Variants in MCRIP1 observed in about 807,000 individuals in gnomAD.
The protein encoded by MCRIP1 is MAPK regulated corepressor interacting protein 1, also known as mapk-regulated corepressor-interacting protein 1.
MCRIP1 carries 10 observed loss-of-function variants against 14.4 expected under a neutral mutation model. The ratio of observed to expected loss-of-function variants is 0.70; its 90% confidence interval spans 0.43 to 1.18. The LOEUF (loss-of-function observed/expected upper bound fraction) is 1.18, where lower values mean the gene tolerates loss of function less well. Ranked by LOEUF, MCRIP1 falls within the 50% of genes most tolerant of loss-of-function variation. The pLI, the probability that MCRIP1 is intolerant of heterozygous loss-of-function variation, is 0.00. For synonymous variants in MCRIP1, 53 were observed against 55.7 expected (o/e 0.95, Z 0.21); for missense variants, 119 against 135.4 (o/e 0.88, Z 0.60).
chr17:81,824,771 A>G, intron 1 of MCRIP1: 1 of 1,419,416 alleles, frequency 7.0e-7, no homozygotes, highest in Non-Finnish European at 9.2e-7. Context: ...TGGCCAGACG[A>G]GCCAGACACA....
At chr17:81,826,404 G>C in intron 1 of MCRIP1, 1 of 1,534,226 alleles carries the variant, frequency 6.5e-7, no homozygotes, top group East Asian at 2.4e-5. Context: ...TGCACTTGTA[G>C]TCCCAGCTAC....
chr17:81,829,180 CCT>C (rs2038469580), intron 1 of MCRIP1, among the ~76,000 whole-genome samples: 3 of 152,036 alleles, frequency 2.0e-5, no homozygotes, highest in Non-Finnish European at 1.5e-5. Flanking sequence ...GGTGGCAGCC[CCT>C]GAGCCAGCAG....
Position 81,823,742 on chromosome 17 carries a change from G to T in MCRIP1, c.128-229C>A, listed in dbSNP as rs2038323489. On this transcript the variant is annotated intron_variant, in intron 3 of 4. Coordinates refer to ENST00000455127, the MANE Select transcript of MCRIP1 (RefSeq NM_207368.5). The surrounding 1 kb of genome is among the most constrained non-coding windows in gnomAD (Gnocchi z 6.0). Reference sequence around the variant, plus strand: ...TTCCCCGCAAGATGACCAGGACTGTGGTCAGAGGGACCCCTATGACCCTAC... The same window carrying T: ...TTCCCCGCAAGATGACCAGGACTGTTGTCAGAGGGACCCCTATGACCCTAC... The T allele has an allele frequency of 6.7e-6, 4 of 599,614 alleles. No homozygotes were observed. In the South Asian group the frequency reaches 7.9e-5, roughly 12 times the overall value. 37.1% of individuals were successfully genotyped at this position (599,614 alleles called of 1,614,324 possible).
Position 81,826,306 on chromosome 17 carries a change from C to T in MCRIP1, c.-48-1752G>A. ...GCTGAATACATCTGCCACACACATG[C>T]ATACAACCGCCCGCACACACCTGTC... On this transcript the variant is annotated intron_variant, in intron 1 of 4. Coordinates refer to ENST00000455127, the MANE Select transcript of MCRIP1 (RefSeq NM_207368.5). 3 of 1,535,486 alleles carry T rather than the reference C, an allele frequency of 2.0e-6. 1 individual carries two copies. The South Asian group carries it at 3.6e-5, about 18-fold the overall frequency.
intron 1 of MCRIP1, among the ~76,000 whole-genome samples, chr17:81,827,302 C>T (rs1567826344): frequency 6.6e-6 from 1 of 151,514 alleles, no homozygotes; most frequent in Non-Finnish European, 1.5e-5. Context: ...GATGGAGTCT[C>T]GCTCTGCTGC....
Position 81,823,552 on chromosome 17 carries a change from C to T in MCRIP1, c.128-39G>A. On this transcript the variant is annotated intron_variant, in intron 3 of 4. Transcript: ENST00000455127. This position sits in a 1 kb window ranked among gnomAD's most constrained non-coding sequence, Gnocchi z 6.0. ...GAGTGGTGTGCTCAGGGCCCCCTGCCCCAGGGGGTGGCATCCACGTCACGA... is the reference window on the plus strand; with the variant it reads ...GAGTGGTGTGCTCAGGGCCCCCTGCTCCAGGGGGTGGCATCCACGTCACGA... The T allele has an allele frequency of 6.7e-7, 1 of 1,498,448 alleles. No individual in the cohort carries two copies. The highest frequency in any genetic ancestry group is 9.0e-7 in the Non-Finnish European group (1 of 1,113,612). 92.8% of individuals were successfully genotyped at this position (1,498,448 alleles called of 1,614,324 possible).
chr17:81,831,888 A>G (rs536381837), intron 1 of MCRIP1, among the ~76,000 whole-genome samples: 2 of 152,224 alleles, frequency 1.3e-5, no homozygotes, highest in African/African-American at 4.8e-5. Context: ...CTCCCTCCAG[A>G]TAGGGAGGGG....
intron 1 of MCRIP1, chr17:81,825,455 C>G: frequency 8.4e-7 from 1 of 1,195,188 alleles, no homozygotes; most frequent in South Asian, 1.5e-5. Context: ...TCCCAGGATT[C>G]CCAGGAGGGG....
At chr17:81,833,071 G>T (rs1374806335) in intron 1 of MCRIP1, among the ~76,000 whole-genome samples, 167 bp downstream of exon 1, 1 of 149,640 alleles carries the variant, frequency 6.7e-6, no homozygotes, top group Admixed American at 6.6e-5. Context: ...GCCGGGCGGG[G>T]AACGCGGGCC....
chr17:81,826,065 A>C, intron 1 of MCRIP1: 1 of 1,459,898 alleles, frequency 6.8e-7, no homozygotes, highest in Non-Finnish European at 9.1e-7. Context: ...TCTTCTCCCC[A>C]TGCATCCTCT....
At chr17:81,824,758 A>C (rs1174075068) in intron 1 of MCRIP1, 3 of 1,426,266 alleles carry the variant, frequency 2.1e-6, no homozygotes, top group Non-Finnish European at 2.7e-6. Flanking sequence ...GGTAGCAGAG[A>C]GCTGGCCAGA....
rs1180289618 is a variant in MCRIP1 at position 81,822,758 on chromosome 17, G to C, written c.*489C>G. 1 of 191,758 alleles carries C rather than the reference G, an allele frequency of 5.2e-6. No individual in the cohort carries two copies. The highest frequency in any genetic ancestry group is 1.1e-5 in the Non-Finnish European group (1 of 91,930). 11.9% of individuals were successfully genotyped at this position (191,758 alleles called of 1,614,324 possible). The stretch of plus-strand genomic sequence containing the variant: ...TGTGAGAAGCTCCCCAGCGTGTCCA[G>C]GCCACGGGAGCAGCAAGGGTCTGCG... On this transcript the variant is annotated 3_prime_UTR_variant, in exon 5 of 5. Coordinates refer to ENST00000455127, the MANE Select transcript of MCRIP1 (RefSeq NM_207368.5).
chr17:81,824,869 G>T, intron 1 of MCRIP1: 3 of 1,258,940 alleles, frequency 2.4e-6, no homozygotes, highest in Non-Finnish European at 3.0e-6. Flanking sequence ...CCCAGCACCG[G>T]GAGCACTGTG....
chr17:81,824,034 T>C (rs1007082998), intron 3 of MCRIP1, among the ~76,000 whole-genome samples: 2 of 152,132 alleles, frequency 1.3e-5, no homozygotes, highest in Non-Finnish European at 2.9e-5. Flanking sequence ...ATCTGTGGCA[T>C]GGCCCACCCC....
intron 1 of MCRIP1, among the ~76,000 whole-genome samples, 188 bp downstream of exon 1, chr17:81,833,050 C>G (rs2038553196): frequency 6.6e-6 from 1 of 150,626 alleles, no homozygotes; most frequent in Non-Finnish European, 1.5e-5. Context: ...GGGCCGCGCC[C>G]TCCTGCAGGT....
chr17:81,826,020 G>C (rs767505873), intron 1 of MCRIP1: 1 of 1,390,354 alleles, frequency 7.2e-7, no homozygotes, highest in South Asian at 1.2e-5. Flanking sequence ...GCTGCTTTAG[G>C]GGTACCTGCC....
intron 1 of MCRIP1, among the ~76,000 whole-genome samples, chr17:81,827,230 C>G (rs2038425329): frequency 6.6e-6 from 1 of 152,034 alleles, no homozygotes; most frequent in South Asian, 2.1e-4. Flanking sequence ...GAGTTCAAAA[C>G]CAGCCTGGGC....
intron 1 of MCRIP1, chr17:81,825,240 C>A: frequency 9.2e-7 from 1 of 1,084,484 alleles, no homozygotes; most frequent in South Asian, 2.5e-5. Context: ...TGGGCTGCCG[C>A]CCGTTTATGG....
intron 1 of MCRIP1, among the ~76,000 whole-genome samples, chr17:81,827,944 C>A (rs1009606671): frequency 6.6e-6 from 1 of 151,760 alleles, no homozygotes; most frequent in Non-Finnish European, 1.5e-5. Context: ...CCACGCCCAG[C>A]TAATTTTTTC....
Sources: gnomAD v4.1 joint callset for allele counts (sites outside exome capture counted in the v4.1 genomes callset) on GRCh38, gnomAD v4.1.1 for gene constraint, Gnocchi (gnomAD v3.1) non-coding constraint, MANE v1.5 for transcripts, NCBI Gene and HGNC (gene_info 2026-07-23, HGNC 2026-07-21) for gene names.